Variants in TENM2 observed in about 807,000 individuals in gnomAD.
The protein encoded by TENM2 is teneurin transmembrane protein 2, also known as teneurin-2.
Under a neutral mutation model 245.2 loss-of-function variants are expected in TENM2, and 52 were observed. The observed-to-expected ratio is 0.21, with a 90% confidence interval of 0.17 to 0.27. The LOEUF (loss-of-function observed/expected upper bound fraction) is 0.27. TENM2 is among the 10% of genes least tolerant of loss of function. TENM2 has a pLI of 1.00. For missense variants in TENM2, 3,046 were observed against 3,666.8 expected, an observed-to-expected ratio of 0.83 and a Z score of 4.37; for synonymous variants, 1,363 against 1,438.9, an observed-to-expected ratio of 0.95 and a Z score of 1.19.
Position 167,298,856 on chromosome 5 carries a change from G to C in TENM2, c.226+13793G>C, listed in dbSNP as rs143420264. Among the ~76,000 whole-genome samples the C allele has an allele frequency of 0.011, 1,647 of 152,278 alleles. 142 individuals carry two copies. In the East Asian group the frequency reaches 0.21, roughly 19 times the overall value. On this transcript the variant is annotated intron_variant, in intron 1 of 28. Transcript: ENST00000518659. Reference sequence around the variant, plus strand: ...CAGTGTAAACTGGCAGTGTAAACAAGAGCAGGGCATGTATGAGTAGTTGAG... The same window carrying C: ...CAGTGTAAACTGGCAGTGTAAACAACAGCAGGGCATGTATGAGTAGTTGAG...
intron 1 of TENM2, among the ~76,000 whole-genome samples, chr5:167,323,162 G>A (rs1032313775): frequency 6.6e-6 from 1 of 152,120 alleles, no homozygotes; most frequent in African/African-American, 2.4e-5. Flanking sequence ...TATAGAGCTC[G>A]ACCGAACTTT....
rs569733774 is a variant in TENM2 at position 167,932,572 on chromosome 5, A to G, written c.713-20016A>G. Among the ~76,000 whole-genome samples, 3 of 152,254 alleles carry G rather than the reference A, an allele frequency of 2.0e-5. No individual in the cohort carries two copies. The East Asian group carries it at 5.8e-4, about 30-fold the overall frequency. On this transcript the variant is annotated intron_variant, in intron 3 of 28. Coordinates refer to ENST00000518659, the Ensembl canonical transcript of TENM2. ...CATACATATAATATACAATAAACATACATACATATGTGTGTAAGACTGAAG... is the reference window on the plus strand; with the variant it reads ...CATACATATAATATACAATAAACATGCATACATATGTGTGTAAGACTGAAG...
intron 2 of TENM2, among the ~76,000 whole-genome samples, chr5:167,577,405 C>T (rs1774779066): frequency 6.6e-6 from 1 of 152,076 alleles, no homozygotes; most frequent in African/African-American, 2.4e-5. Flanking sequence ...GTCAGTTTTC[C>T]TTCCTGAGGT....
the TENM2 span, among the ~76,000 whole-genome samples, chr5:167,093,209 G>A: frequency 6.6e-6 from 1 of 152,220 alleles, no homozygotes; most frequent in Non-Finnish European, 1.5e-5. Flanking sequence ...GCAGAATTCT[G>A]CAGTGTTGGG....
the TENM2 span, among the ~76,000 whole-genome samples, chr5:167,074,387 G>A: frequency 4.8e-3 from 731 of 152,198 alleles, 7 homozygotes; most frequent in Non-Finnish European, 6.5e-3. Context: ...AAGTAGAAAC[G>A]GTGGTAAGGA....
chr5:167,982,533 C>T (rs1782922596), intron 4 of TENM2, among the ~76,000 whole-genome samples: 1 of 152,132 alleles, frequency 6.6e-6, no homozygotes, highest in Non-Finnish European at 1.5e-5. Flanking sequence ...TGTTCTTTTT[C>T]AGCCCTTCCA....
intron 13 of TENM2, among the ~76,000 whole-genome samples, chr5:168,169,376 A>C (rs1758593947): frequency 2.6e-5 from 4 of 152,018 alleles, no homozygotes; most frequent in Admixed American, 1.3e-4. Context: ...TCCTTGGTTC[A>C]CTCCAAAGGA....
chr5:167,187,905 C>A, the TENM2 span, among the ~76,000 whole-genome samples: 1 of 152,110 alleles, frequency 6.6e-6, no homozygotes, highest in African/African-American at 2.4e-5. Context: ...CGAGCCATAA[C>A]TTTTGAGGCT....
intron 2 of TENM2, among the ~76,000 whole-genome samples, chr5:167,825,785 G>A (rs1767921423): frequency 6.6e-6 from 1 of 151,806 alleles, no homozygotes; most frequent in Non-Finnish European, 1.5e-5. Flanking sequence ...AAGTGACTGA[G>A]CTCTCAGTGC....
intron 2 of TENM2, among the ~76,000 whole-genome samples, chr5:167,728,110 T>G (rs892309929): frequency 6.6e-6 from 1 of 152,188 alleles, no homozygotes; most frequent in Non-Finnish European, 1.5e-5. Flanking sequence ...ACCAGTCTTA[T>G]GATGGAGGAA....
intron 2 of TENM2, among the ~76,000 whole-genome samples, chr5:167,534,306 G>A (rs1375121913): frequency 6.6e-6 from 1 of 152,122 alleles, no homozygotes; most frequent in South Asian, 2.1e-4. Context: ...AGTCAGGCTT[G>A]GAGACAAGAA....
chr5:167,104,066 C>T, the TENM2 span, among the ~76,000 whole-genome samples: 1 of 152,052 alleles, frequency 6.6e-6, no homozygotes, highest in Non-Finnish European at 1.5e-5. Context: ...TATCTCTGTG[C>T]TGCATACAAA....
chr5:168,003,306 AACACAC>A (rs70976455), intron 5 of TENM2, among the ~76,000 whole-genome samples: 212 of 90,582 alleles, frequency 2.3e-3, no homozygotes, highest in South Asian at 3.2e-3. Context: ...TTTAAGAAAA[AACACAC>A]ACACACACAC....
In TENM2 at chr5:167,923,024, T is replaced by A. The variant is rs544945922; in HGVS notation, c.713-29564T>A. On this transcript the variant is annotated intron_variant, in intron 3 of 28. Transcript: ENST00000518659. ...CCCCCAGTGCCTCTGTCTCTTATACTCTAATCGAGGCCATGAGGGCCAGGT... is the reference window on the plus strand; with the variant it reads ...CCCCCAGTGCCTCTGTCTCTTATACACTAATCGAGGCCATGAGGGCCAGGT... Among the ~76,000 whole-genome samples, 3 of 152,286 alleles carry A rather than the reference T, an allele frequency of 2.0e-5. No homozygotes were observed. In the South Asian group the frequency reaches 6.2e-4, roughly 32 times the overall value.
At chr5:167,207,942 C>T in the TENM2 span, among the ~76,000 whole-genome samples, 5 of 152,062 alleles carry the variant, frequency 3.3e-5, no homozygotes, top group Non-Finnish European at 7.4e-5. Flanking sequence ...TTAGTAGAGA[C>T]GGGATTTCAC....
At chr5:167,641,201 T>G (rs906154411) in intron 2 of TENM2, among the ~76,000 whole-genome samples, 3 of 152,006 alleles carry the variant, frequency 2.0e-5, no homozygotes, top group Non-Finnish European at 4.4e-5. Flanking sequence ...TTGCAAAACC[T>G]AAAAGTTAAT....
chr5:167,905,515 AG>A (rs911240877), intron 3 of TENM2, among the ~76,000 whole-genome samples: 25 of 152,272 alleles, frequency 1.6e-4, no homozygotes, highest in Non-Finnish European at 3.1e-4. Flanking sequence ...ACTCCACAGG[AG>A]GGGGCTAGGG....
chr5:168,073,138 A>T (rs769949364), intron 7 of TENM2, among the ~76,000 whole-genome samples: 11 of 152,158 alleles, frequency 7.2e-5, no homozygotes, highest in Non-Finnish European at 1.3e-4. Context: ...CCCTGCTAGC[A>T]CTATGCTCTT....
chr5:167,379,685 C>T (rs1362586997), intron 2 of TENM2, among the ~76,000 whole-genome samples: 1 of 151,976 alleles, frequency 6.6e-6, no homozygotes, highest in African/African-American at 2.4e-5. Flanking sequence ...CTGGAACAGA[C>T]ATAAAAACTT....
Sources: gnomAD v4.1 joint callset for allele counts (sites outside exome capture counted in the v4.1 genomes callset) on GRCh38, gnomAD v4.1.1 for gene constraint, MANE v1.5 for transcripts, NCBI Gene and HGNC (gene_info 2026-07-23, HGNC 2026-07-21) for gene names.